Variants in SPATS2 observed in about 807,000 individuals in gnomAD.
The protein encoded by SPATS2 is spermatogenesis-associated serine-rich protein 2.
In SPATS2, 38 loss-of-function variants were observed where a neutral mutation model predicts 63.7. The observed-to-expected ratio is 0.60, with a 90% CI of 0.46 to 0.78. The LOEUF (loss-of-function observed/expected upper bound fraction) is 0.78, where lower values mean the gene tolerates loss of function less well. Ranked by LOEUF, SPATS2 falls within the 30% of genes least tolerant of loss-of-function variation. The pLI, the probability that SPATS2 is intolerant of heterozygous loss-of-function variation, is 0.00. For missense variants in SPATS2, 588 were observed against 666.2 expected, an observed-to-expected ratio of 0.88 and a Z score of 1.29; for synonymous variants, 207 against 232.9, an observed-to-expected ratio of 0.89 and a Z score of 1.01.
intron 1 of SPATS2, among the ~76,000 whole-genome samples, 195 bp from the exon 2 acceptor site, chr12:49,371,033 A>T (rs1026857201): frequency 5.3e-5 from 8 of 152,234 alleles, no homozygotes; most frequent in Non-Finnish European, 7.3e-5. Flanking sequence ...CTTAAAAAAA[A>T]TTATTGTGGT....
chr12:49,408,880 A>C (rs1944745503), intron 2 of SPATS2, among the ~76,000 whole-genome samples: 1 of 152,148 alleles, frequency 6.6e-6, no homozygotes, highest in Non-Finnish European at 1.5e-5. Flanking sequence ...TTCTAAAGGC[A>C]CAAGATTCTT....
intron 2 of SPATS2, among the ~76,000 whole-genome samples, chr12:49,436,357 C>T (rs1378553652): frequency 6.9e-6 from 1 of 144,612 alleles, no homozygotes; most frequent in African/African-American, 2.6e-5. Flanking sequence ...CGGGCAGAGG[C>T]GCCCCTCATC....
chr12:49,463,901 TAA>T (rs888651382), intron 3 of SPATS2, among the ~76,000 whole-genome samples: 1 of 152,216 alleles, frequency 6.6e-6, no homozygotes, highest in African/African-American at 2.4e-5. Context: ...TAAATTAAAT[TAA>T]GTCAGTTTCA....
chr12:49,432,635 G>A (rs1277285096), intron 2 of SPATS2, among the ~76,000 whole-genome samples: 3 of 152,104 alleles, frequency 2.0e-5, no homozygotes, highest in African/African-American at 7.2e-5. Context: ...CTGTTTCTAT[G>A]AGTTTGACTA....
intron 2 of SPATS2, among the ~76,000 whole-genome samples, chr12:49,384,058 T>C (rs145240070): frequency 0.017 from 2,527 of 152,336 alleles, 20 homozygotes; most frequent in Middle Eastern, 0.034. Flanking sequence ...CCATAGGGCA[T>C]TTATTAAAAC....
chr12:49,440,657 C>T (rs1448943803), intron 2 of SPATS2, among the ~76,000 whole-genome samples: 5 of 151,928 alleles, frequency 3.3e-5, no homozygotes, highest in Non-Finnish European at 5.9e-5. Context: ...TTAGTAGAGA[C>T]GGGGTTTCAC....
chr12:49,366,869 C>T (rs1943904245), upstream of SPATS2: 1 of 151,882 alleles, frequency 6.6e-6, no homozygotes, highest in Admixed American at 6.5e-5. Flanking sequence ...GTCAGTTCAG[C>T]TCGGGCCCTC....
Position 49,494,720 on chromosome 12 carries a change from TCAAA to T in SPATS2, c.265-20_265-17del. 1 of 1,488,646 alleles carries T rather than the reference TCAAA, an allele frequency of 6.7e-7. No individual in the cohort carries two copies. Among genetic ancestry groups the T allele is most frequent in the Admixed American group, 2.7e-5 (1 of 37,670 alleles). The allele number at this position is 1,488,646 out of a possible 1,614,324, so 92.2% of individuals were successfully genotyped here. A position where few individuals can be genotyped will look rare whatever the true frequency, so the allele number is the denominator to read the frequency against. ...TCTTTTCTTTCTTTTCTTTTCTTTT[TCAAA>T]TTTTTAATAACTTTAGAACAAAAAG... On this transcript the variant is annotated splice_polypyrimidine_tract_variant and intron_variant, in intron 6 of 13. Transcript: ENST00000552918.
At chr12:49,488,812 A>G (rs998627803) in intron 4 of SPATS2, among the ~76,000 whole-genome samples, 1 of 152,190 alleles carries the variant, frequency 6.6e-6, no homozygotes, top group African/African-American at 2.4e-5. Flanking sequence ...GGATATATGC[A>G]CATATCATAA....
intron 11 of SPATS2, 79 bp from the exon 12 acceptor site, chr12:49,522,672 G>C: frequency 8.7e-7 from 1 of 1,149,026 alleles, no homozygotes; most frequent in East Asian, 2.4e-5. Flanking sequence ...GAAAATGATT[G>C]TTTAATCTGT....
intron 9 of SPATS2, among the ~76,000 whole-genome samples, chr12:49,505,919 A>G (rs1015666721): frequency 6.6e-6 from 1 of 152,210 alleles, no homozygotes; most frequent in African/African-American, 2.4e-5. Context: ...ACAGTTCCCT[A>G]CTTATGATGG....
intron 11 of SPATS2, among the ~76,000 whole-genome samples, chr12:49,520,319 T>C (rs1946919138): frequency 6.6e-6 from 1 of 152,100 alleles, no homozygotes; most frequent in Non-Finnish European, 1.5e-5. Flanking sequence ...GGTTTCATGA[T>C]GTTGGCCAGG....
chr12:49,475,034 C>T (rs1013879099), intron 3 of SPATS2, among the ~76,000 whole-genome samples: 3 of 152,268 alleles, frequency 2.0e-5, no homozygotes, highest in African/African-American at 4.8e-5. Flanking sequence ...AAGACCTGCA[C>T]CCATGATTCA....
intron 2 of SPATS2, among the ~76,000 whole-genome samples, chr12:49,377,455 T>G (rs995071718): frequency 6.6e-6 from 1 of 152,240 alleles, no homozygotes; most frequent in African/African-American, 2.4e-5. Context: ...TCTTAACATT[T>G]CAGCAACATT....
intron 2 of SPATS2, among the ~76,000 whole-genome samples, chr12:49,449,192 T>G (rs760100526): frequency 3.9e-5 from 6 of 152,096 alleles, no homozygotes; most frequent in Non-Finnish European, 8.8e-5. Flanking sequence ...GTATTACTGA[T>G]TTTCTGTCTG....
chr12:49,416,704 C>T (rs2137394060), intron 2 of SPATS2, among the ~76,000 whole-genome samples: 1 of 152,086 alleles, frequency 6.6e-6, no homozygotes, highest in South Asian at 2.1e-4. Context: ...AGGCTGGTCA[C>T]GAACCCCTGA....
In SPATS2 at chr12:49,438,999, C is replaced by T. The variant is rs113896357; in HGVS notation, c.-243-21771C>T. ...TACAGAATATAATGCTAGATAGTAACAGTTGTAGAAAAAAATGTAGAAAAA... is the reference window on the plus strand; with the variant it reads ...TACAGAATATAATGCTAGATAGTAATAGTTGTAGAAAAAAATGTAGAAAAA... On this transcript the variant is annotated intron_variant, in intron 2 of 13. Transcript: ENST00000552918. 4.7e-4 allele frequency among the ~76,000 whole-genome samples: 72 copies of T among 152,122 alleles called. 1 individual carries two copies. The highest frequency in any genetic ancestry group is 1.7e-3 in the African/African-American group (71 of 41,478).
At chr12:49,408,472 T>TG (rs2137340595) in intron 2 of SPATS2, among the ~76,000 whole-genome samples, 1 of 150,366 alleles carries the variant, frequency 6.7e-6, no homozygotes, top group African/African-American at 2.4e-5. Flanking sequence ...AGGCTGGTCT[T>TG]GAAATCCTGA....
intron 2 of SPATS2, among the ~76,000 whole-genome samples, chr12:49,393,392 G>A (rs1944453885): frequency 6.6e-6 from 1 of 151,990 alleles, no homozygotes; most frequent in Non-Finnish European, 1.5e-5. Context: ...ATACAAAATA[G>A]GGATTTTTTT....
Sources: allele counts gnomAD v4.1 joint callset (sites outside exome capture counted in the v4.1 genomes callset), GRCh38; gene constraint gnomAD v4.1.1; transcripts MANE v1.5; gene names NCBI Gene and HGNC (gene_info 2026-07-23, HGNC 2026-07-21).